SLC35F1: variants seen among roughly 807,000 people sequenced by gnomAD.
SLC35F1 encodes the protein chromosome 6 open reading frame 169.
SLC35F1 carries 14 observed loss-of-function variants against 48.7 expected under a neutral mutation model. That is an observed-to-expected ratio of 0.29 (90% CI 0.19 to 0.45). The LOEUF is 0.45. Among genes scored for constraint, SLC35F1 ranks in the 20% least tolerant of loss-of-function variants. The probability of loss-of-function intolerance (pLI) is 1.00; values close to 1 mark genes in which losing one functional copy is unlikely to be tolerated. For synonymous variants in SLC35F1, 190 were observed against 202.2 expected, an observed-to-expected ratio of 0.94 and a Z score of 0.51; for missense variants, 404 against 500.0, an observed-to-expected ratio of 0.81 and a Z score of 1.83.
chr6:118,205,751 A>G (rs1774927685), intron 2 of SLC35F1, among the ~76,000 whole-genome samples: 4 of 152,270 alleles, frequency 2.6e-5, no homozygotes, highest in Admixed American at 2.0e-4. Context: ...GTCCATTCAC[A>G]GATGAATGGA....
At chr6:118,003,356 C>A (rs1777131157) in intron 1 of SLC35F1, among the ~76,000 whole-genome samples, 1 of 152,160 alleles carries the variant, frequency 6.6e-6, no homozygotes, top group African/African-American at 2.4e-5. Context: ...TCTGTAGTTA[C>A]CAGGATAACA....
intron 2 of SLC35F1, among the ~76,000 whole-genome samples, chr6:118,209,088 A>C (rs1028939736): frequency 6.6e-6 from 1 of 152,186 alleles, no homozygotes; most frequent in Non-Finnish European, 1.5e-5. Context: ...AATCAAAAGA[A>C]TCTGAACAGT....
At chr6:118,034,549 C>T (rs554454697) in intron 1 of SLC35F1, among the ~76,000 whole-genome samples, 2 of 152,072 alleles carry the variant, frequency 1.3e-5, no homozygotes, top group African/African-American at 2.4e-5. Context: ...CAGAGTGAGA[C>T]TCTATCACAA....
At chr6:117,967,241 G>C (rs939625134) in intron 1 of SLC35F1, among the ~76,000 whole-genome samples, 1 of 151,628 alleles carries the variant, frequency 6.6e-6, no homozygotes, top group Non-Finnish European at 1.5e-5. Flanking sequence ...TACAAAGCAT[G>C]GGAAACAACT....
chr6:118,286,914 A>C (rs1188618866), intron 7 of SLC35F1, among the ~76,000 whole-genome samples: 4 of 152,022 alleles, frequency 2.6e-5, no homozygotes, highest in Non-Finnish European at 4.4e-5. Context: ...TCCAGAACTT[A>C]CTCATTTTAT....
intron 1 of SLC35F1, among the ~76,000 whole-genome samples, chr6:118,130,450 G>A (rs963975812): frequency 2.0e-5 from 3 of 152,038 alleles, no homozygotes; most frequent in Non-Finnish European, 4.4e-5. Context: ...TAGCCTGGGC[G>A]ACAGAGCAAG....
chr6:118,126,636 T>G (rs1773628919), intron 1 of SLC35F1, among the ~76,000 whole-genome samples: 2 of 151,654 alleles, frequency 1.3e-5, no homozygotes, highest in South Asian at 4.2e-4. Flanking sequence ...TTCCATTTGT[T>G]TGTATCCTCT....
intron 2 of SLC35F1, among the ~76,000 whole-genome samples, chr6:118,215,470 C>T (rs1467500619): frequency 2.0e-5 from 3 of 151,762 alleles, no homozygotes; most frequent in Admixed American, 6.6e-5. Flanking sequence ...ACGGAGACAC[C>T]GAGACAATGG....
At chr6:118,251,603 T>G (rs564014490) in intron 3 of SLC35F1, among the ~76,000 whole-genome samples, 2 of 152,268 alleles carry the variant, frequency 1.3e-5, no homozygotes, top group East Asian at 3.9e-4. Flanking sequence ...AATAGCATGA[T>G]GAGATTTGTA....
intron 1 of SLC35F1, among the ~76,000 whole-genome samples, chr6:118,047,448 A>C (rs1772317105): frequency 6.6e-6 from 1 of 152,184 alleles, no homozygotes; most frequent in Non-Finnish European, 1.5e-5. Flanking sequence ...AAGCACTTGA[A>C]CAATTTTAGT....
chr6:118,069,864 C>T (rs1235061073), intron 1 of SLC35F1, among the ~76,000 whole-genome samples: 3 of 152,090 alleles, frequency 2.0e-5, no homozygotes, highest in Non-Finnish European at 4.4e-5. Flanking sequence ...AGGCCGGGCG[C>T]GGTGGCTCAC....
Position 117,961,211 on chromosome 6 carries a change from A to G in SLC35F1, c.173+53312A>G, listed in dbSNP as rs74952731. Among the ~76,000 whole-genome samples the G allele has an allele frequency of 5.9e-5, 9 of 152,296 alleles. No individual in the cohort carries two copies. The East Asian group carries it at 1.7e-3, about 29-fold the overall frequency. ...AATGAACTCCATGAAAAACTTGGAA[A>G]TGAGACAGCTGAATCGCCATGAATG... On this transcript the variant is annotated intron_variant, in intron 1 of 7. Coordinates refer to ENST00000360388, the MANE Select transcript of SLC35F1 (RefSeq NM_001029858.4).
At chr6:118,193,658 T>G (rs1368540291) in intron 2 of SLC35F1, among the ~76,000 whole-genome samples, 2 of 152,200 alleles carry the variant, frequency 1.3e-5, no homozygotes, top group African/African-American at 4.8e-5. Context: ...TCTTAGCAAT[T>G]TTCAATTTTG....
At chr6:117,941,991 A>G (rs542078205) in intron 1 of SLC35F1, among the ~76,000 whole-genome samples, 5 of 152,346 alleles carry the variant, frequency 3.3e-5, no homozygotes, top group Admixed American at 2.6e-4. Context: ...TGTGCCAGGA[A>G]GACCTTTTTC....
At position 118,074,754 on chromosome 6, in the gene SLC35F1, A is replaced by T. The variant is rs142041847; in HGVS notation, c.174-79691A>T. Among the ~76,000 whole-genome samples, 743 of 152,150 alleles carry T rather than the reference A, an allele frequency of 4.9e-3. 5 individuals carry two copies. The highest frequency in any genetic ancestry group is 0.017 in the African/African-American group (697 of 41,504). ...AGCGTTGACCTCCTGGGCTCAAGTGACCCTCCACCTCAGCCTTCTGGTACC... is the reference window on the plus strand; with the variant it reads ...AGCGTTGACCTCCTGGGCTCAAGTGTCCCTCCACCTCAGCCTTCTGGTACC... On this transcript the variant is annotated intron_variant, in intron 1 of 7. Coordinates refer to ENST00000360388, the MANE Select transcript of SLC35F1 (RefSeq NM_001029858.4).
chr6:118,169,233 A>C (rs1210742003), intron 2 of SLC35F1, among the ~76,000 whole-genome samples: 1 of 152,218 alleles, frequency 6.6e-6, no homozygotes, highest in East Asian at 1.9e-4. Flanking sequence ...CCTTTGAAGA[A>C]AACATTATTG....
intron 2 of SLC35F1, among the ~76,000 whole-genome samples, chr6:118,209,215 AG>A (rs1452209861): frequency 6.6e-6 from 1 of 152,184 alleles, no homozygotes; most frequent in Non-Finnish European, 1.5e-5. Context: ...GTTTTCCCTG[AG>A]TCTTTGGGTC....
chr6:118,163,967 G>GA (rs1447880888), intron 2 of SLC35F1, among the ~76,000 whole-genome samples: 1 of 152,152 alleles, frequency 6.6e-6, no homozygotes, highest in African/African-American at 2.4e-5. Flanking sequence ...TTGCAGGAAA[G>GA]AAAAAATGAA....
At chr6:117,999,485 G>A (rs1291620170) in intron 1 of SLC35F1, 19 of 1,486,884 alleles carry the variant, frequency 1.3e-5, no homozygotes, top group African/African-American at 2.8e-5. Flanking sequence ...GGACTGGTGC[G>A]ACCCCCCACC....
Sources: gnomAD v4.1 joint callset for allele counts (sites outside exome capture counted in the v4.1 genomes callset) on GRCh38, gnomAD v4.1.1 for gene constraint, MANE v1.5 for transcripts, NCBI Gene and HGNC (gene_info 2026-07-23, HGNC 2026-07-21) for gene names.